Variants in NUDCD1 observed in about 807,000 individuals in gnomAD.
The protein encoded by NUDCD1 is nudC domain-containing protein 1.
In NUDCD1, 60 loss-of-function variants were observed where a neutral mutation model predicts 67.8. The ratio of observed to expected loss-of-function variants is 0.88; its 90% CI spans 0.72 to 1.10. NUDCD1 has a LOEUF of 1.10. Ranked by LOEUF, NUDCD1 falls within the 50% of genes least tolerant of loss-of-function variation. The pLI is 0.00. For synonymous variants in NUDCD1, 244 were observed against 230.8 expected (o/e 1.06, Z -0.52); for missense variants, 643 against 695.0 (o/e 0.93, Z 0.84).
chr8:109,326,364 C>A (rs1386910170), intron 1 of NUDCD1, among the ~76,000 whole-genome samples: 2 of 152,246 alleles, frequency 1.3e-5, no homozygotes, highest in Non-Finnish European at 2.9e-5. Flanking sequence ...ATGATGATGA[C>A]CATGTCAATT....
At chr8:109,249,379 G>T (rs969059457) in intron 8 of NUDCD1, among the ~76,000 whole-genome samples, 1 of 152,120 alleles carries the variant, frequency 6.6e-6, no homozygotes, top group African/African-American at 2.4e-5. Flanking sequence ...TAATCTTCCC[G>T]TAGCTCACAG....
intron 1 of NUDCD1, among the ~76,000 whole-genome samples, chr8:109,327,322 A>G (rs754256174): frequency 9.2e-5 from 14 of 152,234 alleles, no homozygotes; most frequent in Non-Finnish European, 1.9e-4. Context: ...CTTTTCCTCC[A>G]TAAGGGTAGA....
chr8:109,290,524 G>A (rs1032175302), intron 4 of NUDCD1, among the ~76,000 whole-genome samples: 4 of 152,066 alleles, frequency 2.6e-5, no homozygotes, highest in East Asian at 3.9e-4. Flanking sequence ...TCTAACTCCC[G>A]ATAAGGGGCA....
At chr8:109,267,659 A>G (rs1814033397) in intron 8 of NUDCD1, among the ~76,000 whole-genome samples, 1 of 152,246 alleles carries the variant, frequency 6.6e-6, no homozygotes, top group African/African-American at 2.4e-5. Flanking sequence ...TTAATTATAC[A>G]CTAATTGAAG....
chr8:109,327,053 G>A (rs959856135), intron 1 of NUDCD1, among the ~76,000 whole-genome samples: 1 of 152,114 alleles, frequency 6.6e-6, no homozygotes, highest in South Asian at 2.1e-4. Context: ...GGAAGAGAGA[G>A]GCCAAGAACG....
chr8:109,271,007 CAT>C lies in NUDCD1; in HGVS notation c.1295_1296del (p.His432ArgfsTer18), dbSNP rs750232478. On this transcript the variant is annotated frameshift_variant, in exon 8 of 10. Coordinates refer to ENST00000239690, the MANE Select transcript of NUDCD1 (RefSeq NM_032869.4). LOFTEE classifies it high-confidence loss of function. ...RFDGNTLKTT[H>X]VVNLGSNQYL... The stretch of plus-strand genomic sequence containing the variant: ...AAATATTAATATCAGTAACTTACCA[CAT>C]GAGTAGTTTTTAATGTATTGCCATC... 1.7e-5 allele frequency: 27 copies of C among 1,572,192 alleles called. No individual in the cohort carries two copies. The South Asian group carries it at 2.5e-4, about 14-fold the overall frequency.
chr8:109,273,608 C>A lies in NUDCD1; in HGVS notation c.1173+1744G>T, dbSNP rs141110129. The stretch of plus-strand genomic sequence containing the variant: ...AACTGAAAAACAAAGGCAATGGAAA[C>A]AGATGCTCACATTAGACCTATATCT... On this transcript the variant is annotated intron_variant, in intron 7 of 9. Coordinates refer to ENST00000239690, the MANE Select transcript of NUDCD1 (RefSeq NM_032869.4). Among the ~76,000 whole-genome samples, 326 of 152,118 alleles carry A rather than the reference C, an allele frequency of 2.1e-3. 2 individuals carry two copies. Among genetic ancestry groups the A allele is most frequent in the African/African-American group, 7.4e-3 (309 of 41,532 alleles).
chr8:109,306,935 G>A (rs1010419213), intron 2 of NUDCD1, among the ~76,000 whole-genome samples: 1 of 151,684 alleles, frequency 6.6e-6, no homozygotes, highest in Non-Finnish European at 1.5e-5. Context: ...GAGAAACATC[G>A]CCCATTATCT....
intron 1 of NUDCD1, among the ~76,000 whole-genome samples, chr8:109,330,564 GCCT>G (rs1815782276): frequency 6.6e-6 from 1 of 152,152 alleles, no homozygotes; most frequent in East Asian, 1.9e-4. Context: ...TATTGCAAAA[GCCT>G]CCTATCTGCT....
intron 3 of NUDCD1, among the ~76,000 whole-genome samples, chr8:109,294,074 C>T (rs1814777254): frequency 7.6e-6 from 1 of 131,346 alleles, no homozygotes; most frequent in Non-Finnish European, 1.7e-5. Flanking sequence ...TTATCAAATT[C>T]TTTCTTATAC....
chr8:109,309,916 T>C (rs746530444), intron 2 of NUDCD1, among the ~76,000 whole-genome samples: 4 of 150,430 alleles, frequency 2.7e-5, no homozygotes, highest in Non-Finnish European at 5.9e-5. Flanking sequence ...GGAATATACC[T>C]AAACCAAGGA....
At chr8:109,267,445 A>G (rs2980604) in intron 8 of NUDCD1, among the ~76,000 whole-genome samples, 61,700 of 152,084 alleles carry the variant, frequency 0.41, 12,792 homozygotes, top group South Asian at 0.5. Flanking sequence ...CACTGCTAAT[A>G]GGAATGTAAA....
chr8:109,322,610 G>C (rs1193970087), intron 1 of NUDCD1, 147 bp from the exon 2 acceptor site: 7 of 561,992 alleles, frequency 1.2e-5, no homozygotes, highest in Non-Finnish European at 2.2e-5. Context: ...TTCTTTCAAA[G>C]ATAATTTCTG....
chr8:109,300,611 C>T (rs549559733), intron 2 of NUDCD1, among the ~76,000 whole-genome samples: 1 of 152,122 alleles, frequency 6.6e-6, no homozygotes, highest in East Asian at 1.9e-4. Flanking sequence ...TGTTAAATGA[C>T]CAAACCTAAG....
intron 8 of NUDCD1, among the ~76,000 whole-genome samples, chr8:109,257,892 A>G (rs1385102967): frequency 6.6e-6 from 1 of 152,258 alleles, no homozygotes; most frequent in East Asian, 1.9e-4. Flanking sequence ...TACCTGGCCC[A>G]CTGAGTCTTG....
chr8:109,270,895 T>C, intron 8 of NUDCD1, 110 bp downstream of exon 8: 1 of 673,636 alleles, frequency 1.5e-6, no homozygotes, highest in Non-Finnish European at 2.5e-6. Context: ...TGATGAGACT[T>C]ATCAAAGCCA....
chr8:109,276,682 A>T (rs1814296947), intron 6 of NUDCD1, among the ~76,000 whole-genome samples: 1 of 152,144 alleles, frequency 6.6e-6, no homozygotes, highest in Non-Finnish European at 1.5e-5. Flanking sequence ...TTTGAGACAG[A>T]GTCTCACTCT....
intron 8 of NUDCD1, among the ~76,000 whole-genome samples, chr8:109,258,046 G>C (rs1813779037): frequency 6.6e-6 from 1 of 151,924 alleles, no homozygotes; most frequent in Admixed American, 6.6e-5. Flanking sequence ...TTTGGAGTTA[G>C]TGTTTTTACA....
At chr8:109,313,583 G>A (rs540942513) in intron 2 of NUDCD1, among the ~76,000 whole-genome samples, 53 of 152,236 alleles carry the variant, frequency 3.5e-4, no homozygotes, top group African/African-American at 1.2e-3. Flanking sequence ...TGTGATATAC[G>A]TAATTTTAAA....
Sources: allele counts gnomAD v4.1 joint callset (sites outside exome capture counted in the v4.1 genomes callset), GRCh38; gene constraint gnomAD v4.1.1; transcripts MANE v1.5; gene names NCBI Gene and HGNC (gene_info 2026-07-23, HGNC 2026-07-21).